Variants in PTCHD4 observed in about 807,000 individuals in gnomAD.
PTCHD4 encodes patched domain-containing protein 4.
Under a neutral mutation model 58.1 loss-of-function variants are expected in PTCHD4, and 33 were observed. That is an observed-to-expected ratio of 0.57 (90% CI 0.43 to 0.76). The LOEUF (loss-of-function observed/expected upper bound fraction) is 0.76, where lower values mean the gene tolerates loss of function less well. PTCHD4 is among the 30% of genes least tolerant of loss of function. The probability of loss-of-function intolerance (pLI) is 0.00; values close to 1 mark genes in which losing one functional copy is unlikely to be tolerated. For synonymous variants in PTCHD4, 478 were observed against 409.6 expected (o/e 1.17, Z -2.02); for missense variants, 1,058 against 1,027.1 (o/e 1.03, Z -0.41).
intron 4 of PTCHD4, among the ~76,000 whole-genome samples, chr6:47,918,121 C>G (rs961583286): frequency 6.6e-6 from 1 of 152,004 alleles, no homozygotes; most frequent in African/African-American, 2.4e-5. Flanking sequence ...TTTTTTAACC[C>G]TCCAATAGCA....
At chr6:47,966,030 A>G (rs1767279273) in intron 4 of PTCHD4, among the ~76,000 whole-genome samples, 1 of 152,252 alleles carries the variant, frequency 6.6e-6, no homozygotes, top group South Asian at 2.1e-4. Context: ...GAGAAAATAT[A>G]AGTAAGAGAT....
At chr6:48,030,242 T>G (rs542045640) in intron 3 of PTCHD4, among the ~76,000 whole-genome samples, 2 of 152,152 alleles carry the variant, frequency 1.3e-5, no homozygotes, top group African/African-American at 4.8e-5. Context: ...TTAGTCTTGC[T>G]GTAATTTATT....
rs773698633 is a variant in PTCHD4 at position 47,873,210 on chromosome 6, A to T, written c.*5093T>A. Among the ~76,000 whole-genome samples the T allele has an allele frequency of 6.6e-6, 1 of 151,748 alleles. No homozygotes were observed. The highest frequency in any genetic ancestry group is 1.5e-5 in the Non-Finnish European group (1 of 67,784). On this transcript the variant is annotated 3_prime_UTR_variant, in exon 5 of 5. Transcript: ENST00000339488. Reference sequence around the variant, plus strand: ...TTCAAGTGCAATGTATTTGCCTATGATCAAGTTTGCTAGCAGTTGAGAATC... The same window carrying T: ...TTCAAGTGCAATGTATTTGCCTATGTTCAAGTTTGCTAGCAGTTGAGAATC...
intron 1 of PTCHD4, among the ~76,000 whole-genome samples, chr6:48,096,545 G>A (rs1435734501): frequency 6.7e-6 from 1 of 150,146 alleles, no homozygotes; most frequent in East Asian, 2.0e-4. Flanking sequence ...CCAGGAGGCA[G>A]AAGTTGCAGT....
In PTCHD4 at chr6:47,878,839, GA is replaced by G; in HGVS notation, c.1995del (p.Leu666SerfsTer4). Reference protein sequence around the residue: ...TVPVLIAGFGVLLVLILTFFL... With the variant: ...TVPVLIAGFGXLLVLILTFFL... ...AAAAAAGTCAGGATTAACACCAGGA[GA>G]ACACCAAAGCCTGCAATCAGAACAG... On this transcript the variant is annotated frameshift_variant, in exon 5 of 5. Transcript: ENST00000339488. LOFTEE classifies it high-confidence loss of function. 1 of 1,613,702 alleles carries G rather than the reference GA, an allele frequency of 6.2e-7. No individual in the cohort carries two copies. Among genetic ancestry groups the G allele is most frequent in the Non-Finnish European group, 8.5e-7 (1 of 1,179,772 alleles).
At chr6:47,931,237 T>C (rs561493713) in intron 4 of PTCHD4, among the ~76,000 whole-genome samples, 19 of 152,344 alleles carry the variant, frequency 1.2e-4, no homozygotes, top group African/African-American at 4.6e-4. Context: ...GCTGCAGCCA[T>C]GTCTAAAATG....
At position 47,858,697 on chromosome 6, in the gene PTCHD4, G is replaced by A. The variant is rs1390476408; in HGVS notation, c.*19606C>T. 6.6e-6 allele frequency among the ~76,000 whole-genome samples: 1 copy of A among 152,020 alleles called. No homozygotes were observed. The highest frequency in any genetic ancestry group is 1.5e-5 in the Non-Finnish European group (1 of 67,962). On this transcript the variant is annotated 3_prime_UTR_variant, in exon 5 of 5. Transcript: ENST00000339488. ...AGGCTACACTGCACTAGCCATCTGA[G>A]TCAGAATTTCTGTGGGTGGAATAAA...
chr6:48,047,859 A>G (rs1046266435), intron 3 of PTCHD4, among the ~76,000 whole-genome samples: 1 of 151,868 alleles, frequency 6.6e-6, no homozygotes, highest in African/African-American at 2.4e-5. Flanking sequence ...ACTGTGCGAA[A>G]TAAATCTTCG....
intron 3 of PTCHD4, among the ~76,000 whole-genome samples, chr6:48,053,566 T>A (rs1764307341): frequency 6.6e-6 from 1 of 152,158 alleles, no homozygotes; most frequent in Non-Finnish European, 1.5e-5. Context: ...GCTATGAAAA[T>A]TTATTACTTT....
intron 4 of PTCHD4, chr6:47,899,829 T>G (rs899244725): frequency 2.0e-5 from 3 of 152,210 alleles, no homozygotes; most frequent in Admixed American, 6.5e-5. Context: ...ACTCATCTAC[T>G]TCCTGTCTCT....
At chr6:48,024,601 C>G (rs1196060065) in intron 3 of PTCHD4, among the ~76,000 whole-genome samples, 3 of 152,118 alleles carry the variant, frequency 2.0e-5, no homozygotes, top group Non-Finnish European at 2.9e-5. Context: ...CCCTCCTTCA[C>G]TGTAGGCATT....
At chr6:48,034,119 G>A (rs887226792) in intron 3 of PTCHD4, among the ~76,000 whole-genome samples, 4 of 151,938 alleles carry the variant, frequency 2.6e-5, no homozygotes, top group Admixed American at 1.3e-4. Context: ...TGGCCCTAGT[G>A]GATACTATAT....
chr6:48,074,030 C>A (rs1325927361), intron 1 of PTCHD4, among the ~76,000 whole-genome samples: 2 of 152,058 alleles, frequency 1.3e-5, no homozygotes, highest in African/African-American at 4.8e-5. Context: ...TCTGCCACTG[C>A]CATCTCAAGG....
intron 4 of PTCHD4, among the ~76,000 whole-genome samples, chr6:47,903,268 T>C (rs1937099859): frequency 6.6e-6 from 1 of 152,080 alleles, no homozygotes; most frequent in Non-Finnish European, 1.5e-5. Flanking sequence ...GAGGTGTCTA[T>C]AGGGGGAGAT....
chr6:48,009,138 C>T, intron 3 of PTCHD4, 24 bp from the exon 4 acceptor site: 1 of 1,575,278 alleles, frequency 6.3e-7, no homozygotes, highest in African/African-American at 1.4e-5. Context: ...AAAGAAGAGA[C>T]TTCAGTTACG....
intron 4 of PTCHD4, among the ~76,000 whole-genome samples, chr6:47,882,388 C>A (rs555330326): frequency 6.6e-6 from 1 of 151,896 alleles, no homozygotes; most frequent in African/African-American, 2.4e-5. Flanking sequence ...TAAATGTGGT[C>A]GAGACTGAAA....
intron 3 of PTCHD4, among the ~76,000 whole-genome samples, chr6:48,032,857 A>G (rs1225231389): frequency 6.6e-6 from 1 of 152,160 alleles, no homozygotes; most frequent in African/African-American, 2.4e-5. Context: ...ATTTGTCATT[A>G]TTAAACGGCA....
chr6:48,062,465 CT>C (rs1023948460), intron 3 of PTCHD4, among the ~76,000 whole-genome samples: 24 of 151,960 alleles, frequency 1.6e-4, no homozygotes, highest in African/African-American at 3.9e-4. Flanking sequence ...CCACCCCCCA[CT>C]TTTTTTTAAC....
chr6:47,985,645 A>G (rs1366780645), intron 4 of PTCHD4, among the ~76,000 whole-genome samples: 1 of 152,054 alleles, frequency 6.6e-6, no homozygotes. Flanking sequence ...TTTGTATTAT[A>G]TATCCATATT....
Sources: gnomAD v4.1 joint callset for allele counts (sites outside exome capture counted in the v4.1 genomes callset) on GRCh38, gnomAD v4.1.1 for gene constraint, MANE v1.5 for transcripts, NCBI Gene and HGNC (gene_info 2026-07-23, HGNC 2026-07-21) for gene names.